The following TSPEAR variants were observed in gnomAD, a reference collection of about 807,000 sequenced individuals.
The protein encoded by TSPEAR is thrombospondin type laminin G domain and EAR repeats, also known as thrombospondin-type laminin G domain and EAR repeat-containing protein.
Under a neutral mutation model 71.6 loss-of-function variants are expected in TSPEAR, and 69 were observed. The ratio of observed to expected loss-of-function variants is 0.96; its 90% CI spans 0.79 to 1.18. The LOEUF is 1.18. TSPEAR is among the 50% of genes most tolerant of loss of function. The pLI, the probability that TSPEAR is intolerant of heterozygous loss-of-function variation, is 0.00. For synonymous variants in TSPEAR, 402 were observed against 387.2 expected (o/e 1.04, Z -0.45); for missense variants, 971 against 894.9 (o/e 1.09, Z -1.09).
chr21:44,566,880 TG>T (rs2053710310), intron 2 of TSPEAR, among the ~76,000 whole-genome samples: 1 of 152,172 alleles, frequency 6.6e-6, no homozygotes, highest in Admixed American at 6.5e-5. Context: ...AAGACTCACA[TG>T]TAAGTACCAA....
rs1982608086 is a variant in TSPEAR, at chr21:44,623,906, T to C, written c.83-55901A>G. Among the ~76,000 whole-genome samples, 1 of 152,254 alleles carries C rather than the reference T, an allele frequency of 6.6e-6. No homozygotes were observed. Among genetic ancestry groups the C allele is most frequent in the Non-Finnish European group, 1.5e-5 (1 of 68,042 alleles). On this transcript the variant is annotated intron_variant, in intron 1 of 11. Transcript: ENST00000323084. This position sits in a 1 kb window ranked among gnomAD's most constrained non-coding sequence, Gnocchi z 4.5. The stretch of plus-strand genomic sequence containing the variant: ...GGCATGGTTTCCTTTGTATTCACCT[T>C]GCTAAACATTCTTAAATGCTTTTTG...
intron 1 of TSPEAR, among the ~76,000 whole-genome samples, chr21:44,665,179 G>T (rs1208863213): frequency 6.6e-6 from 1 of 152,136 alleles, no homozygotes; most frequent in Non-Finnish European, 1.5e-5. Context: ...CTACACAATA[G>T]GTCCCTGACC....
chr21:44,502,822 C>G (rs2052061068), intron 11 of TSPEAR, among the ~76,000 whole-genome samples: 1 of 149,802 alleles, frequency 6.7e-6, no homozygotes, highest in South Asian at 2.1e-4. Context: ...AAGCAAGGCT[C>G]TGGGAGGAGG....
intron 1 of TSPEAR, among the ~76,000 whole-genome samples, chr21:44,696,381 T>C (rs8132832): frequency 0.73 from 110,454 of 152,168 alleles, 40,397 homozygotes; most frequent in Middle Eastern, 0.84. Flanking sequence ...GCCTCCAGTG[T>C]ATGCTCCTCT....
chr21:44,629,004 G>A (rs1397866099), intron 1 of TSPEAR, among the ~76,000 whole-genome samples: 1 of 152,170 alleles, frequency 6.6e-6, no homozygotes, highest in African/African-American at 2.4e-5. Context: ...CCAGGACAGT[G>A]TGGGAATGTG....
Position 44,695,531 on chromosome 21 carries a change from CT to C in TSPEAR, c.82+15901del. 6.6e-6 allele frequency among the ~76,000 whole-genome samples: 1 copy of C among 152,178 alleles called. No homozygotes were observed. The highest frequency in any genetic ancestry group is 1.9e-4 in the East Asian group (1 of 5,198). On this transcript the variant is annotated intron_variant, in intron 1 of 11. Coordinates refer to ENST00000323084, the MANE Select transcript of TSPEAR (RefSeq NM_144991.3). This position sits in a 1 kb window ranked among gnomAD's most constrained non-coding sequence, Gnocchi z 4.5. The stretch of plus-strand genomic sequence containing the variant: ...TGCAATGACCTCCGATCCCAAGACC[CT>C]TTTCCCAAGTCCAATTTTTCCTCCA...
intron 11 of TSPEAR, among the ~76,000 whole-genome samples, chr21:44,500,259 G>A (rs1011661764): frequency 1.3e-5 from 2 of 152,204 alleles, no homozygotes; most frequent in African/African-American, 4.8e-5. Flanking sequence ...CGTGAGGTGC[G>A]TGACTTTCCC....
At position 44,697,436 on chromosome 21, in the gene TSPEAR, T is replaced by C. The variant is rs782454906; in HGVS notation, c.82+13997A>G. ...CCCCTGCCAATCAGGCTGCACCAGC[T>C]CCTGCACGCCCTCGTGCTGCCAGCA... On this transcript the variant is annotated intron_variant, in intron 1 of 11. Transcript: ENST00000323084. The C allele has an allele frequency of 1.9e-6, 3 of 1,613,864 alleles. No homozygotes were observed. Among genetic ancestry groups the C allele is most frequent in the Admixed American group, 1.7e-5 (1 of 60,010 alleles).
At chr21:44,655,626 G>C (rs1476034467) in intron 1 of TSPEAR, among the ~76,000 whole-genome samples, 1 of 152,260 alleles carries the variant, frequency 6.6e-6, no homozygotes, top group Non-Finnish European at 1.5e-5. Flanking sequence ...TGCAGAGGCA[G>C]CTTGGGGGAA....
At chr21:44,634,173 C>G (rs587768312) in intron 1 of TSPEAR, among the ~76,000 whole-genome samples, 4 of 152,298 alleles carry the variant, frequency 2.6e-5, no homozygotes, top group African/African-American at 9.6e-5. Context: ...CACTTAAGTC[C>G]AGGAGTTTGA....
intron 2 of TSPEAR, among the ~76,000 whole-genome samples, chr21:44,544,173 G>C (rs781936922): frequency 6.6e-6 from 1 of 152,092 alleles, no homozygotes; most frequent in Non-Finnish European, 1.5e-5. Context: ...GTTTCCATGT[G>C]TTTATTTGCC....
In TSPEAR at chr21:44,687,386, T is replaced by C. The variant is rs1343501552; in HGVS notation, c.82+24047A>G. On this transcript the variant is annotated intron_variant, in intron 1 of 11. Coordinates refer to ENST00000323084, the MANE Select transcript of TSPEAR (RefSeq NM_144991.3). The surrounding 1 kb of genome is among the most constrained non-coding windows in gnomAD (Gnocchi z 4.4). ...ACAGAAAAAACCGGAACGGCCCATG[T>C]GCCCATTAGCTGGTGGATGGATAAA... Among the ~76,000 whole-genome samples, 3 of 152,220 alleles carry C rather than the reference T, an allele frequency of 2.0e-5. No individual in the cohort carries two copies. The highest frequency in any genetic ancestry group is 4.4e-5 in the Non-Finnish European group (3 of 68,030).
chr21:44,640,047 G>A lies in TSPEAR; in HGVS notation c.82+71386C>T, dbSNP rs182051832. 2.4e-4 allele frequency among the ~76,000 whole-genome samples: 37 copies of A among 152,334 alleles called. No homozygotes were observed. In the South Asian group the frequency reaches 7.2e-3, roughly 30 times the overall value. ...CAGTCCAGTTCTAGGCATCTACCCC[G>A]GAGGAATGAAACAAACGTCCACACA... On this transcript the variant is annotated intron_variant, in intron 1 of 11. Transcript: ENST00000323084.
intron 1 of TSPEAR, among the ~76,000 whole-genome samples, chr21:44,575,699 G>A (rs1346329921): frequency 6.6e-6 from 1 of 152,224 alleles, no homozygotes; most frequent in Non-Finnish European, 1.5e-5. Context: ...TGCCCAGAGT[G>A]TGTCCAAATG....
intron 10 of TSPEAR, chr21:44,508,850 T>C (rs1166388846): frequency 7.1e-7 from 1 of 1,404,618 alleles, no homozygotes; most frequent in Admixed American, 1.9e-5. Context: ...ACCTCGCACC[T>C]GTCCCTCTGG....
intron 1 of TSPEAR, chr21:44,702,815 C>G: frequency 1.8e-6 from 2 of 1,128,432 alleles, no homozygotes; most frequent in Non-Finnish European, 2.6e-6. Flanking sequence ...GCACGTCCCC[C>G]AGGGCCAGCC....
intron 1 of TSPEAR, among the ~76,000 whole-genome samples, chr21:44,631,481 C>G (rs1207770750): frequency 6.6e-6 from 1 of 152,132 alleles, no homozygotes; most frequent in Non-Finnish European, 1.5e-5. Flanking sequence ...CTTTGGGAGG[C>G]TGAGGCAGGC....
At chr21:44,689,517 A>AAG (rs1555949440) in intron 1 of TSPEAR, among the ~76,000 whole-genome samples, 1 of 151,196 alleles carries the variant, frequency 6.6e-6, no homozygotes, top group Non-Finnish European at 1.5e-5. Context: ...AAAAAAAAAA[A>AAG]AGTCCTAAAT....
At chr21:44,569,174 A>G (rs2053750633) in intron 1 of TSPEAR, among the ~76,000 whole-genome samples, 1 of 152,164 alleles carries the variant, frequency 6.6e-6, no homozygotes. Flanking sequence ...TCCTCCAGAG[A>G]GTGTGAGCAC....
Sources: gnomAD v4.1 joint callset for allele counts (sites outside exome capture counted in the v4.1 genomes callset) on GRCh38, gnomAD v4.1.1 for gene constraint, Gnocchi (gnomAD v3.1) non-coding constraint, MANE v1.5 for transcripts, NCBI Gene and HGNC (gene_info 2026-07-23, HGNC 2026-07-21) for gene names.